The following LRRC3B variants were observed in gnomAD, a reference collection of about 807,000 sequenced individuals.
LRRC3B encodes leucine rich repeat containing 3B.
A neutral mutation model predicts 12.8 loss-of-function variants in LRRC3B; 2 were observed. The ratio of observed to expected loss-of-function variants is 0.16; its 90% CI spans 0.06 to 0.49. The LOEUF is 0.49. Among genes scored for constraint, LRRC3B ranks in the 20% least tolerant of loss-of-function variants. LRRC3B has a pLI of 0.96. For synonymous variants in LRRC3B, 132 were observed against 122.0 expected, an observed-to-expected ratio of 1.08 and a Z score of -0.54; for missense variants, 189 against 319.4, an observed-to-expected ratio of 0.59 and a Z score of 3.11.
intron 1 of LRRC3B, among the ~76,000 whole-genome samples, chr3:26,670,740 C>A (rs1173973197): frequency 2.0e-5 from 3 of 152,012 alleles, no homozygotes; most frequent in Admixed American, 2.0e-4. Flanking sequence ...TCAATTTCCC[C>A]AAGTATAATA....
At chr3:26,625,656 C>T (rs561064387) in intron 1 of LRRC3B, 1 of 152,288 alleles carries the variant, frequency 6.6e-6, no homozygotes, top group African/African-American at 2.4e-5. Flanking sequence ...AGACCATGTT[C>T]CTTGGCAACT....
chr3:26,633,255 A>T (rs552476560), intron 1 of LRRC3B, among the ~76,000 whole-genome samples: 1 of 152,098 alleles, frequency 6.6e-6, no homozygotes, highest in Admixed American at 6.5e-5. Flanking sequence ...ACTAAGTTCT[A>T]ATTAGTCGGC....
At chr3:26,630,072 G>A (rs1698722820) in intron 1 of LRRC3B, among the ~76,000 whole-genome samples, 1 of 151,308 alleles carries the variant, frequency 6.6e-6, no homozygotes, top group Non-Finnish European at 1.5e-5. Context: ...CAAAGGATAA[G>A]GGGAAAAAAA....
chr3:26,684,549 T>A (rs577574951), intron 1 of LRRC3B, among the ~76,000 whole-genome samples: 2 of 152,342 alleles, frequency 1.3e-5, no homozygotes, highest in South Asian at 4.1e-4. Flanking sequence ...TTCTGGATAC[T>A]GAGAAGTCCA....
At chr3:26,706,407 G>A (rs1700588677) in intron 1 of LRRC3B, among the ~76,000 whole-genome samples, 1 of 152,166 alleles carries the variant, frequency 6.6e-6, no homozygotes, top group Non-Finnish European at 1.5e-5. Context: ...CTGAGTCACA[G>A]TAGCTCAGCA....
intron 1 of LRRC3B, among the ~76,000 whole-genome samples, chr3:26,642,527 C>T (rs1192194076): frequency 1.3e-5 from 2 of 152,144 alleles, no homozygotes; most frequent in Admixed American, 1.3e-4. Context: ...AGAGCAGAGT[C>T]TCTGAGAATG....
At chr3:26,636,960 TTCTTTCTTTCTTTC>T (rs1698909615) in intron 1 of LRRC3B, among the ~76,000 whole-genome samples, 3 of 122,052 alleles carry the variant, frequency 2.5e-5, no homozygotes, top group African/African-American at 6.9e-5. Flanking sequence ...CTTTCTTTCT[TTCTTTCTTTCTTTC>T]TCTCTCTCTC....
chr3:26,699,029 G>T (rs909491513), intron 1 of LRRC3B, among the ~76,000 whole-genome samples: 1 of 151,934 alleles, frequency 6.6e-6, no homozygotes, highest in South Asian at 2.1e-4. Context: ...GTGTTTTATT[G>T]TTATTTTGTT....
intron 1 of LRRC3B, among the ~76,000 whole-genome samples, chr3:26,636,930 C>CTT (rs755473804): frequency 3.1e-5 from 3 of 97,098 alleles, no homozygotes; most frequent in Non-Finnish European, 5.6e-5. Flanking sequence ...TTCTTTCTTT[C>CTT]TTTCTTTCTT....
At chr3:26,679,520 C>T (rs1699927726) in intron 1 of LRRC3B, among the ~76,000 whole-genome samples, 1 of 152,196 alleles carries the variant, frequency 6.6e-6, no homozygotes, top group Non-Finnish European at 1.5e-5. Context: ...TCACTGTCTT[C>T]AAAGATTGTT....
At chr3:26,626,015 A>G (rs1698616891) in intron 1 of LRRC3B, among the ~76,000 whole-genome samples, 1 of 152,184 alleles carries the variant, frequency 6.6e-6, no homozygotes, top group Non-Finnish European at 1.5e-5. Flanking sequence ...ATTTGGTACT[A>G]AAAACCATTT....
At chr3:26,629,408 A>AATT (rs1218524704) in intron 1 of LRRC3B, among the ~76,000 whole-genome samples, 4 of 152,234 alleles carry the variant, frequency 2.6e-5, no homozygotes, top group Non-Finnish European at 5.9e-5. Flanking sequence ...TCTAAAGCTA[A>AATT]AGCACAAAGG....
At position 26,684,295 on chromosome 3, in the gene LRRC3B, A is replaced by G. The variant is rs115320821; in HGVS notation, c.-160-25218A>G. Among the ~76,000 whole-genome samples the G allele has an allele frequency of 4.5e-3, 680 of 152,346 alleles. 4 individuals are homozygous for G. Among genetic ancestry groups the G allele is most frequent in the African/African-American group, 0.015 (636 of 41,574 alleles). ...ACTGAAATTAAGTCAGCCTCAATCT[A>G]TATGGCTTTTAAAGGACTATGCGAT... On this transcript the variant is annotated intron_variant, in intron 1 of 1. Transcript: ENST00000396641.
At chr3:26,705,361 C>T (rs950942452) in intron 1 of LRRC3B, among the ~76,000 whole-genome samples, 2 of 151,756 alleles carry the variant, frequency 1.3e-5, no homozygotes, top group Non-Finnish European at 2.9e-5. Context: ...ACGGCTTCTG[C>T]TTGACCCAGA....
At position 26,677,087 on chromosome 3, in the gene LRRC3B, G is replaced by T. The variant is rs550806984; in HGVS notation, c.-160-32426G>T. Among the ~76,000 whole-genome samples the T allele has an allele frequency of 5.3e-5, 8 of 152,232 alleles. 1 individual carries two copies. The South Asian group carries it at 1.7e-3, about 32-fold the overall frequency. On this transcript the variant is annotated intron_variant, in intron 1 of 1. Coordinates refer to ENST00000396641, the Ensembl canonical transcript of LRRC3B. ...AGCTCCATCAGTCATGAGTCAAGAA[G>T]GTGAGTCATCAATCTCATTTGCAAA...
At chr3:26,692,168 A>G (rs576024301) in intron 1 of LRRC3B, among the ~76,000 whole-genome samples, 4 of 152,240 alleles carry the variant, frequency 2.6e-5, no homozygotes, top group Non-Finnish European at 5.9e-5. Flanking sequence ...TTGCCTAAAT[A>G]ATATCACTTA....
chr3:26,641,616 TG>T (rs1472174173), intron 1 of LRRC3B, among the ~76,000 whole-genome samples: 3 of 152,198 alleles, frequency 2.0e-5, no homozygotes, highest in South Asian at 4.2e-4. Context: ...GTGGGCACGT[TG>T]GGGCAGGAGA....
chr3:26,648,010 G>C (rs570497078), intron 1 of LRRC3B, among the ~76,000 whole-genome samples: 1 of 152,048 alleles, frequency 6.6e-6, no homozygotes, highest in Non-Finnish European at 1.5e-5. Context: ...TCTGTGACTC[G>C]ACAGTGCCTT....
chr3:26,671,431 C>T (rs1338202266), intron 1 of LRRC3B, among the ~76,000 whole-genome samples: 1 of 100,698 alleles, frequency 9.9e-6, no homozygotes, highest in Admixed American at 1.1e-4. Context: ...CTTGCTCTGT[C>T]GCCAGGCTGG....
Sources: gnomAD v4.1 joint callset for allele counts (sites outside exome capture counted in the v4.1 genomes callset) on GRCh38, gnomAD v4.1.1 for gene constraint, MANE v1.5 for transcripts, NCBI Gene and HGNC (gene_info 2026-07-23, HGNC 2026-07-21) for gene names.